Variants in TENT4B observed in about 807,000 individuals in gnomAD.
TENT4B encodes terminal nucleotidyltransferase 4B.
A neutral mutation model predicts 75.0 loss-of-function variants in TENT4B; 10 were observed. That is an observed-to-expected ratio of 0.13 (90% CI 0.08 to 0.23). TENT4B has a LOEUF of 0.23. TENT4B is among the 10% of genes least tolerant of loss of function. TENT4B has a pLI of 1.00. For missense variants in TENT4B, 579 were observed against 893.8 expected, an observed-to-expected ratio of 0.65 and a Z score of 4.49; for synonymous variants, 350 against 357.7, an observed-to-expected ratio of 0.98 and a Z score of 0.24.
Position 50,233,143 on chromosome 16 carries a change from T to C in TENT4B, c.*3815T>C. 1 of 983,022 alleles carries C rather than the reference T, an allele frequency of 1.0e-6. No individual in the cohort carries two copies. The highest frequency in any genetic ancestry group is 1.2e-6 in the Non-Finnish European group (1 of 827,750). The allele number at this position is 983,022 out of a possible 1,614,324, so 60.9% of individuals were successfully genotyped here. On this transcript the variant is annotated 3_prime_UTR_variant, in exon 12 of 12. Transcript: ENST00000561678. ...TAAAAGTTATATTTAGTAGTTACTG[T>C]TGATAGTAATTTTCATCAGGGTCAT...
At chr16:50,166,749 G>C (rs541389502) in intron 1 of TENT4B, among the ~76,000 whole-genome samples, 15 of 150,266 alleles carry the variant, frequency 1.0e-4, no homozygotes, top group Non-Finnish European at 1.6e-4. Flanking sequence ...CCACAGCTGG[G>C]ACCACAGGCG....
intron 1 of TENT4B, among the ~76,000 whole-genome samples, chr16:50,208,873 C>T (rs772406475): frequency 5.3e-5 from 8 of 152,144 alleles, no homozygotes; most frequent in Non-Finnish European, 8.8e-5. Flanking sequence ...GCTGGAATTA[C>T]AGGCATGCGC....
intron 1 of TENT4B, among the ~76,000 whole-genome samples, chr16:50,210,829 C>T (rs900593287): frequency 1.3e-5 from 2 of 152,228 alleles, no homozygotes; most frequent in African/African-American, 2.4e-5. Context: ...TCAGCTCCTT[C>T]ATGGAGCCTT....
intron 1 of TENT4B, among the ~76,000 whole-genome samples, chr16:50,195,135 C>T (rs796353080): frequency 1.4e-4 from 21 of 152,196 alleles, no homozygotes; most frequent in African/African-American, 5.1e-4. Flanking sequence ...GATTATTTCC[C>T]ATAAACATTT....
chr16:50,163,652 G>A (rs898327023), intron 1 of TENT4B, among the ~76,000 whole-genome samples: 1 of 151,010 alleles, frequency 6.6e-6, no homozygotes, highest in African/African-American at 2.4e-5. Flanking sequence ...ACCTGCCTCG[G>A]CCTCCCAAAG....
intron 4 of TENT4B, among the ~76,000 whole-genome samples, chr16:50,216,694 T>G (rs1344122840): frequency 6.6e-6 from 1 of 152,000 alleles, no homozygotes; most frequent in African/African-American, 2.4e-5. Context: ...TTTTATTCAT[T>G]TTTTTTAGAG....
intron 1 of TENT4B, among the ~76,000 whole-genome samples, chr16:50,161,582 T>G (rs1445759339): frequency 6.6e-6 from 1 of 152,252 alleles, no homozygotes; most frequent in Non-Finnish European, 1.5e-5. Context: ...TTTCAAATGC[T>G]ATGCTAAACC....
Position 50,232,926 on chromosome 16 carries a change from A to G in TENT4B, c.*3598A>G. The G allele has an allele frequency of 1.0e-6, 1 of 985,448 alleles. No individual in the cohort carries two copies. The highest frequency in any genetic ancestry group is 1.2e-6 in the Non-Finnish European group (1 of 829,914). 61.0% of individuals were successfully genotyped at this position (985,448 alleles called of 1,614,324 possible). On this transcript the variant is annotated 3_prime_UTR_variant, in exon 12 of 12. Coordinates refer to ENST00000561678, the MANE Select transcript of TENT4B (RefSeq NM_001365324.3). ...CACAGTCAAAACTAAATGGTAAACT[A>G]TCAAAAATACATTCCCAATTTTGCT...
chr16:50,222,466 C>T, intron 6 of TENT4B, 32 bp downstream of exon 6: 3 of 1,597,994 alleles, frequency 1.9e-6, no homozygotes, highest in Non-Finnish European at 2.6e-6. Context: ...TGCTAGTGCA[C>T]ACTAAAAGCA....
chr16:50,154,290 G>A, intron 1 of TENT4B, 31 bp downstream of exon 1: 1 of 1,389,178 alleles, frequency 7.2e-7, no homozygotes, highest in South Asian at 1.7e-5. Flanking sequence ...CCGATGGCCT[G>A]GCCGGTGCGA....
At chr16:50,207,135 G>A (rs1367965305) in intron 1 of TENT4B, among the ~76,000 whole-genome samples, 1 of 147,396 alleles carries the variant, frequency 6.8e-6, no homozygotes, top group Non-Finnish European at 1.5e-5. Flanking sequence ...GCTTTTATAT[G>A]ACTTTTCTTT....
intron 2 of TENT4B, 24 bp downstream of exon 2, chr16:50,211,470 A>G: frequency 6.4e-7 from 1 of 1,554,402 alleles, no homozygotes; most frequent in Non-Finnish European, 8.6e-7. Flanking sequence ...TGGGTAGCTT[A>G]TGCTTCGGAC....
chr16:50,219,847 C>T (rs1026691416), intron 5 of TENT4B, among the ~76,000 whole-genome samples: 10 of 150,188 alleles, frequency 6.7e-5, no homozygotes, highest in South Asian at 2.1e-4. Context: ...TTTTTGACAC[C>T]GAGTCTCACT....
Position 50,234,347 on chromosome 16 carries a change from C to G in TENT4B, c.*5019C>G. 1.1e-6 allele frequency: 1 copy of G among 938,740 alleles called. No individual in the cohort carries two copies. Among genetic ancestry groups the G allele is most frequent in the Non-Finnish European group, 1.2e-6 (1 of 805,956 alleles). The allele number at this position is 938,740 out of a possible 1,614,324, so 58.2% of individuals were successfully genotyped here. A position where few individuals can be genotyped will look rare whatever the true frequency, so the allele number is the denominator to read the frequency against. ...GGAAAGGAGGACTTGGAAAAGCATT[C>G]TCCAAAGCCAGCAACTTGGTGAAGT... On this transcript the variant is annotated 3_prime_UTR_variant, in exon 12 of 12. Coordinates refer to ENST00000561678, the MANE Select transcript of TENT4B (RefSeq NM_001365324.3).
intron 1 of TENT4B, among the ~76,000 whole-genome samples, chr16:50,155,272 G>GCTGTGT (rs2037871396): frequency 7.4e-6 from 1 of 135,372 alleles, no homozygotes; most frequent in Non-Finnish European, 1.6e-5. Flanking sequence ...GGGTCTCGTG[G>GCTGTGT]GTGTGTGTGT....
At chr16:50,220,056 T>G (rs897105217) in intron 5 of TENT4B, among the ~76,000 whole-genome samples, 1 of 151,686 alleles carries the variant, frequency 6.6e-6, no homozygotes, top group African/African-American at 2.4e-5. Context: ...TGGCGCGATC[T>G]TGGCTCACTG....
intron 1 of TENT4B, among the ~76,000 whole-genome samples, chr16:50,190,104 AAAAG>A (rs2038612823): frequency 6.6e-6 from 1 of 151,402 alleles, no homozygotes. Flanking sequence ...CAAAGAAAAG[AAAAG>A]AAAGAAAGAA....
chr16:50,154,992 C>T (rs1001168637), intron 1 of TENT4B, among the ~76,000 whole-genome samples: 1 of 152,144 alleles, frequency 6.6e-6, no homozygotes, highest in African/African-American at 2.4e-5. Flanking sequence ...TCATGGTCCG[C>T]GGCTCCAGCT....
At chr16:50,177,818 G>C (rs1338585384) in intron 1 of TENT4B, among the ~76,000 whole-genome samples, 1 of 152,034 alleles carries the variant, frequency 6.6e-6, no homozygotes, top group African/African-American at 2.4e-5. Flanking sequence ...AGTGAAAACT[G>C]AGATTATTGA....
Sources: allele counts gnomAD v4.1 joint callset (sites outside exome capture counted in the v4.1 genomes callset), GRCh38; gene constraint gnomAD v4.1.1; transcripts MANE v1.5; gene names NCBI Gene and HGNC (gene_info 2026-07-23, HGNC 2026-07-21).